Variants in MAGED2 observed in about 807,000 individuals in gnomAD.
The protein encoded by MAGED2 is MAGE family member D2.
A neutral mutation model predicts 41.7 loss-of-function variants in MAGED2; 6 were observed. The observed-to-expected ratio is 0.14, with a 90% CI of 0.08 to 0.28. The LOEUF (loss-of-function observed/expected upper bound fraction) is 0.28. Among genes scored for constraint, MAGED2 ranks in the 10% least tolerant of loss-of-function variants. MAGED2 has a pLI of 1.00. For missense variants in MAGED2, 343 were observed against 486.4 expected, an observed-to-expected ratio of 0.71 and a Z score of 2.77; for synonymous variants, 146 against 178.2, an observed-to-expected ratio of 0.82 and a Z score of 1.44.
At chrX:54,814,287 G>A (rs780582471) in intron 10 of MAGED2, 22 of 357,916 alleles carry the variant, frequency 6.1e-5, no homozygotes, top group Non-Finnish European at 1.1e-4. Flanking sequence ...GCTATTGGCT[G>A]TTCTTCCTCT....
At chrX:54,812,045 G>A (rs867465459) in intron 6 of MAGED2, 112 bp from the exon 7 acceptor site, 27 of 498,034 alleles carry the variant, frequency 5.4e-5, no homozygotes, top group African/African-American at 1.2e-4. Context: ...TACTTTGTGC[G>A]TATTATCTCA....
At chrX:54,813,361 C>G in intron 9 of MAGED2, 127 bp from the exon 10 acceptor site, 1 of 831,079 alleles carries the variant, frequency 1.2e-6, no homozygotes, top group African/African-American at 2.0e-5. Flanking sequence ...TCTTGGGCTT[C>G]TATGGAGCTT....
chrX:54,811,377 G>T lies in MAGED2; in HGVS notation c.910+64G>T, dbSNP rs900145962. On this transcript the variant is annotated intron_variant, in intron 5 of 12. Transcript: ENST00000375068. ...CCCTCCATTGCCCTTACACCATTGTGCTGGGGATATCCCCTGCTCTTATGC... is the reference window on the plus strand; with the variant it reads ...CCCTCCATTGCCCTTACACCATTGTTCTGGGGATATCCCCTGCTCTTATGC... The T allele has an allele frequency of 3.8e-6, 4 of 1,055,054 alleles. No homozygotes were observed. The Admixed American group carries it at 8.8e-5, about 23-fold the overall frequency. 86.9% of individuals were successfully genotyped at this position (1,055,054 alleles called of 1,213,427 possible). A position where few individuals can be genotyped will look rare whatever the true frequency, so the allele number is the denominator to read the frequency against.
In MAGED2 at chrX:54,810,854, A is replaced by C. The variant is rs1273230324; in HGVS notation, c.571A>C (p.Ser191Arg). ...TCTGGATGGGGAAGAGGATGGCAGC[A>C]GTGATCAGAGTCAGGCTTCTGGAAC... ...KHLDGEEDGS[S>R]DQSQASGTTG... The change falls in exon 4 of 13, where the codon AGT (serine) becomes CGT (arginine). Residue 191 changes from serine (S) to arginine (R), a missense_variant. Physicochemically the swap from Ser to Arg is moderately radical, Grantham distance 110. Coordinates refer to ENST00000375068, the MANE Select transcript of MAGED2 (RefSeq NM_177433.3). 1 of 1,187,570 alleles carries C rather than the reference A, an allele frequency of 8.4e-7. No individual in the cohort carries two copies. The highest frequency in any genetic ancestry group is 1.1e-6 in the Non-Finnish European group (1 of 882,425).
chrX:54,810,239 TG>T, intron 3 of MAGED2, 26 bp downstream of exon 3: 1 of 967,841 alleles, frequency 1.0e-6, no homozygotes, highest in Middle Eastern at 2.7e-4. Flanking sequence ...TCACCACCCT[TG>T]GTTTTCTACT....
rs143128713 is a variant in MAGED2 at position 54,815,519 on chromosome X, C to G, written c.1658C>G (p.Thr553Ser). The change falls in exon 12 of 13, where the codon ACC becomes AGC. Residue 553 changes from threonine to serine, a missense_variant. Around this residue, in one of 3 missense-constraint regions of MAGED2, gnomAD observed 53 missense variants for 60.4 expected, o/e 0.88. Coordinates refer to ENST00000375068, the MANE Select transcript of MAGED2 (RefSeq NM_177433.3). ...GGCAGTGCCAGCACTGGTGCCAGTA[C>G]CAGTACCAATAACAGTGCCAGTGCC... is the stretch of plus-strand genomic sequence containing the variant. Reference protein sequence around the residue: ...ESGSASTGASTSTNNSASASA... With the variant: ...ESGSASTGASSSTNNSASASA... 22 of 1,191,838 alleles carry G rather than the reference C, an allele frequency of 1.8e-5. No individual in the cohort carries two copies. The African/African-American group carries it at 2.1e-4, about 11-fold the overall frequency.
intron 9 of MAGED2, 76 bp downstream of exon 9, chrX:54,813,236 G>A (rs1222397894): frequency 8.4e-7 from 1 of 1,190,744 alleles, no homozygotes; most frequent in Non-Finnish European, 1.1e-6. Flanking sequence ...GATTGCATCA[G>A]TCTGGTGGTC....
chrX:54,808,913 C>A, intron 1 of MAGED2: 1 of 223,206 alleles, frequency 4.5e-6, no homozygotes, highest in Non-Finnish European at 8.4e-6. Context: ...GAAGGGCCAG[C>A]ACTGAGAAGA....
chrX:54,813,390 C>A, intron 9 of MAGED2, 98 bp from the exon 10 acceptor site: 1 of 900,021 alleles, frequency 1.1e-6, no homozygotes, highest in Non-Finnish European at 1.6e-6. Context: ...TGCTGGAAAC[C>A]TCTTTTCCAT....
At chrX:54,810,256 C>T (rs1226614270) in intron 3 of MAGED2, 43 bp downstream of exon 3, 1 of 822,251 alleles carries the variant, frequency 1.2e-6, no homozygotes, top group Non-Finnish European at 1.7e-6. Context: ...CTACTCCTCT[C>T]TCAGTTGATT....
intron 4 of MAGED2, 23 bp from the exon 5 acceptor site, chrX:54,811,227 T>G: frequency 3.3e-6 from 4 of 1,208,448 alleles, no homozygotes; most frequent in Non-Finnish European, 4.5e-6. Flanking sequence ...TTTTGGTCTT[T>G]CCATCTTTTT....
rs764063667 is a variant in MAGED2, at chrX:54,810,052, G to T, written c.376G>T (p.Val126Phe). ...VTMPATETKK[V>F]SHVADTKVNT... ...AATGCCTGCCACTGAGACCAAAAAGGTCAGCCATGTGGCTGATACAAAGGT... is the reference window on the plus strand; with the variant it reads ...AATGCCTGCCACTGAGACCAAAAAGTTCAGCCATGTGGCTGATACAAAGGT... Residue 126 changes from valine (V) to phenylalanine (F), a missense_variant, in exon 3 of 13, where the codon GTC (valine) becomes TTC (phenylalanine). Val to Phe is a conservative substitution (Grantham distance 50, BLOSUM62 -1). Transcript: ENST00000375068. 8.3e-7 allele frequency: 1 copy of T among 1,208,436 alleles called. No homozygotes were observed. Among genetic ancestry groups the T allele is most frequent in the Non-Finnish European group, 1.1e-6 (1 of 893,782 alleles).
chrX:54,810,782 T>C, intron 3 of MAGED2, 39 bp from the exon 4 acceptor site: 2 of 1,111,442 alleles, frequency 1.8e-6, no homozygotes, highest in Non-Finnish European at 1.2e-6. Flanking sequence ...GACCACTTGC[T>C]TCATCTGGTG....
chrX:54,811,467 A>G, intron 5 of MAGED2, 107 bp from the exon 6 acceptor site: 2 of 884,823 alleles, frequency 2.3e-6, no homozygotes, highest in Non-Finnish European at 3.3e-6. Flanking sequence ...TAAGCACAGA[A>G]CCGGGTTATG....
chrX:54,809,827 G>T lies in MAGED2; in HGVS notation c.151G>T (p.Val51Phe). The T allele has an allele frequency of 8.3e-7, 1 of 1,201,016 alleles. No homozygotes were observed. The highest frequency in any genetic ancestry group is 1.1e-6 in the Non-Finnish European group (1 of 889,779). The change falls in exon 3 of 13, where the codon GTC becomes TTC. Residue 51 changes from valine to phenylalanine, a missense_variant. Physicochemically the swap from Val to Phe is conservative, Grantham distance 50. This residue lies in a region of MAGED2 where 195 missense variants were observed against 221.2 expected (regional missense o/e 0.88). Coordinates refer to ENST00000375068, the MANE Select transcript of MAGED2 (RefSeq NM_177433.3). The part of the protein sequence containing the change: ...ETPKASKALE[V>F]SEDVKVSKAS... ...ACCGAAGGCCTCAAAGGCACTGGAG[G>T]TCTCAGAGGATGTGAAGGTCTCAAA...
In MAGED2 at chrX:54,815,596, C is replaced by T; in HGVS notation, c.1735C>T (p.Leu579Phe). Residue 579 changes from leucine (L) to phenylalanine (F), a missense_variant, in exon 12 of 13, where the codon CTC becomes TTC. By Grantham distance (22) the Leu-to-Phe change is conservative (BLOSUM62 0). This residue lies in a region of MAGED2 where 53 missense variants were observed against 60.4 expected (regional missense o/e 0.88). Coordinates refer to ENST00000375068, the MANE Select transcript of MAGED2 (RefSeq NM_177433.3). ...TGCTGGTGCCAGCCTGACCGCCACT[C>T]TCACATTTGGGCTCTTCGCTGGCCT... is the stretch of plus-strand genomic sequence containing the variant. ...FSAGASLTAT[L>F]TFGLFAGLGG... 1 of 1,168,483 alleles carries T rather than the reference C, an allele frequency of 8.6e-7. No homozygotes were observed. Among genetic ancestry groups the T allele is most frequent in the Admixed American group, 2.6e-5 (1 of 38,931 alleles).
At chrX:54,813,440 C>A in intron 9 of MAGED2, 48 bp from the exon 10 acceptor site, 1 of 1,096,612 alleles carries the variant, frequency 9.1e-7, no homozygotes, top group Non-Finnish European at 1.3e-6. Flanking sequence ...AGTGCCATAG[C>A]CTTGAGTGAA....
In MAGED2 at chrX:54,809,935, A is replaced by G. The variant is rs1408706654; in HGVS notation, c.259A>G (p.Thr87Ala). The change falls in exon 3 of 13, where the codon ACT (threonine) becomes GCT (alanine). Residue 87 changes from threonine (T) to alanine (A), a missense_variant. Physicochemically the swap from Thr to Ala is moderately conservative, Grantham distance 58. Around this residue, in one of 3 missense-constraint regions of MAGED2, gnomAD observed 195 missense variants for 221.2 expected, o/e 0.88. Coordinates refer to ENST00000375068, the MANE Select transcript of MAGED2 (RefSeq NM_177433.3). The stretch of plus-strand genomic sequence containing the variant: ...ACCTGCCACCCAGGCCTCATCTACT[A>G]CTCAGCTGACTGATACCCAGGTTCT... ...EAPATQASST[T>A]QLTDTQVLAA... 6.7e-6 allele frequency: 8 copies of G among 1,199,291 alleles called. No homozygotes were observed. The African/African-American group carries it at 1.1e-4, about 16-fold the overall frequency.
chrX:54,813,264 T>G, intron 9 of MAGED2, 104 bp downstream of exon 9: 1 of 1,154,295 alleles, frequency 8.7e-7, no homozygotes. Context: ...GCGGGTGGGG[T>G]GCTGGACTGG....
Sources: allele counts gnomAD v4.1 joint callset, GRCh38; gene constraint gnomAD v4.1.1; regional missense constraint gnomAD v4.1.1; transcripts MANE v1.5; gene names NCBI Gene and HGNC (gene_info 2026-07-23, HGNC 2026-07-21).